CTTN: variants seen among roughly 807,000 people sequenced by gnomAD.
The protein encoded by CTTN is src substrate cortactin.
In CTTN, 28 loss-of-function variants were observed where a neutral mutation model predicts 84.0. The ratio of observed to expected loss-of-function variants is 0.33; its 90% CI spans 0.25 to 0.46. The LOEUF (loss-of-function observed/expected upper bound fraction) is 0.46, where lower values mean the gene tolerates loss of function less well. Ranked by LOEUF, CTTN falls within the 20% of genes least tolerant of loss-of-function variation. The pLI, the probability that CTTN is intolerant of heterozygous loss-of-function variation, is 1.00. For synonymous variants in CTTN, 301 were observed against 288.8 expected (o/e 1.04, Z -0.43); for missense variants, 641 against 723.8 (o/e 0.89, Z 1.31).
chr11:70,422,451 C>A, intron 11 of CTTN: 2 of 1,212,256 alleles, frequency 1.6e-6, no homozygotes, highest in Non-Finnish European at 2.2e-6. Context: ...TGTGTTGCTG[C>A]AACGGAAGTC....
Position 70,433,293 on chromosome 11 carries a change from C to T in CTTN, c.1444+15C>T, listed in dbSNP as rs374909287. The T allele has an allele frequency of 1.2e-5, 19 of 1,595,742 alleles. No individual in the cohort carries two copies. Among genetic ancestry groups the T allele is most frequent in the South Asian group, 4.4e-5 (4 of 90,158 alleles). On this transcript the variant is annotated intron_variant, in intron 16 of 17. Coordinates refer to ENST00000301843, the MANE Select transcript of CTTN (RefSeq NM_005231.4). ...CTATCCCGCAGGTACTGGGGCCCCA[C>T]GCTGCAGCGCCCTGCCCAGGGCAGG...
At chr11:70,434,754 T>C (rs921254353) in intron 17 of CTTN, among the ~76,000 whole-genome samples, 2 of 152,206 alleles carry the variant, frequency 1.3e-5, no homozygotes, top group Non-Finnish European at 2.9e-5. Context: ...GCTGGAGTTA[T>C]GTGGTGGAAA....
rs370623790 is a variant in CTTN, at chr11:70,435,253, G to GTTTTTTTTTTT, written c.*106_*116dup. 811 of 937,590 alleles carry GTTTTTTTTTTT rather than the reference G, an allele frequency of 8.6e-4. No homozygotes were observed. The highest frequency in any genetic ancestry group is 2.9e-3 in the South Asian group (108 of 37,266). The allele number at this position is 937,590 out of a possible 1,614,324, so 58.1% of individuals were successfully genotyped here. A position where few individuals can be genotyped will look rare whatever the true frequency, so the allele number is the denominator to read the frequency against. ...TCTTGGGTGGTTTTGGGTTTTTTCT[G>GTTTTTTTTTTT]TTTTTTTTTTTTTTTTTTTTTTTTT... On this transcript the variant is annotated 3_prime_UTR_variant, in exon 18 of 18. Coordinates refer to ENST00000301843, the MANE Select transcript of CTTN (RefSeq NM_005231.4).
At chr11:70,413,489 G>A (rs1020009874) in intron 5 of CTTN, among the ~76,000 whole-genome samples, 4 of 152,236 alleles carry the variant, frequency 2.6e-5, no homozygotes, top group Non-Finnish European at 5.9e-5. Flanking sequence ...CTGCCGAACG[G>A]AGTTGCTGAA....
intron 1 of CTTN, among the ~76,000 whole-genome samples, chr11:70,399,552 T>C (rs547157406): frequency 1.3e-5 from 2 of 152,046 alleles, no homozygotes; most frequent in Non-Finnish European, 2.9e-5. Context: ...CGTGAGGCTC[T>C]AAATTTGGAA....
In CTTN at chr11:70,405,364, A is replaced by G. The variant is rs2058030385; in HGVS notation, c.-1+3A>G. The G allele has an allele frequency of 1.3e-5, 2 of 152,214 alleles. No individual in the cohort carries two copies. 9.4% of individuals were successfully genotyped at this position (152,214 alleles called of 1,614,324 possible). A position where few individuals can be genotyped will look rare whatever the true frequency, so the allele number is the denominator to read the frequency against. On this transcript the variant is annotated splice_donor_region_variant and intron_variant, in intron 2 of 17. Coordinates refer to ENST00000301843, the MANE Select transcript of CTTN (RefSeq NM_005231.4). ...TTTATCTCCAAGCGGAAAGAAAGGTACTTGTGCATTGTGAACATCCTAACA... is the reference window on the plus strand; with the variant it reads ...TTTATCTCCAAGCGGAAAGAAAGGTGCTTGTGCATTGTGAACATCCTAACA...
At chr11:70,420,976 T>G (rs1240804014) in intron 10 of CTTN, among the ~76,000 whole-genome samples, 13 of 152,350 alleles carry the variant, frequency 8.5e-5, no homozygotes, top group Non-Finnish European at 7.3e-5. Flanking sequence ...ATACTTACTT[T>G]TGAACCGAAA....
intron 10 of CTTN, 76 bp downstream of exon 10, chr11:70,420,586 T>G (rs2058221538): frequency 9.4e-7 from 1 of 1,068,080 alleles, no homozygotes; most frequent in African/African-American, 1.5e-5. Context: ...TTGGTATGTG[T>G]TGTGTCTGCG....
At position 70,429,167 on chromosome 11, in the gene CTTN, C is replaced by A. The variant is rs1231730977; in HGVS notation, c.1144C>A (p.Gln382Lys). ...ERAQRMAKER[Q>K]EQEEARRKLE... ...AGCCCAGCGGATGGCCAAGGAGCGG[C>A]AGGAGCAGGAAGAGGCCAGGAGGAA... The change falls in exon 14 of 18, where the codon CAG becomes AAG. Residue 382 changes from glutamine (Q) to lysine (K), a missense_variant. Around this residue, in one of 3 missense-constraint regions of CTTN, gnomAD observed 289 missense variants for 273.1 expected, o/e 1.06. Transcript: ENST00000301843. 6.2e-7 allele frequency: 1 copy of A among 1,613,582 alleles called. No individual in the cohort carries two copies. Among genetic ancestry groups the A allele is most frequent in the Admixed American group, 1.7e-5 (1 of 60,026 alleles).
intron 11 of CTTN, 58 bp downstream of exon 11, chr11:70,421,638 G>A: frequency 8.2e-7 from 1 of 1,221,352 alleles, no homozygotes; most frequent in Non-Finnish European, 1.2e-6. Context: ...GCCACTTCTA[G>A]CACAGACTTC....
chr11:70,414,752 C>T, intron 6 of CTTN, 100 bp downstream of exon 6: 1 of 819,926 alleles, frequency 1.2e-6, no homozygotes, highest in African/African-American at 1.7e-5. Context: ...AGGCAGGTGC[C>T]CTCCAGCTCT....
At chr11:70,411,235 T>C (rs899748908) in intron 5 of CTTN, among the ~76,000 whole-genome samples, 2 of 136,072 alleles carry the variant, frequency 1.5e-5, no homozygotes, top group African/African-American at 5.5e-5. Flanking sequence ...GAGCGAAGCG[T>C]GTGCACACGG....
chr11:70,419,441 G>T (rs1010086462), intron 8 of CTTN, among the ~76,000 whole-genome samples: 2 of 151,886 alleles, frequency 1.3e-5, no homozygotes, highest in African/African-American at 4.8e-5. Context: ...ATTAGCTAAT[G>T]ATTTAACTTA....
intron 5 of CTTN, chr11:70,410,453 G>A (rs754075365): frequency 2.5e-5 from 4 of 161,082 alleles, no homozygotes; most frequent in Non-Finnish European, 2.8e-5. Context: ...AATTCGGCGC[G>A]TACCAGGCTG....
intron 5 of CTTN, among the ~76,000 whole-genome samples, chr11:70,410,990 G>T (rs1434729643): frequency 6.6e-6 from 1 of 152,166 alleles, no homozygotes; most frequent in Non-Finnish European, 1.5e-5. Context: ...AAATAGCCTG[G>T]GGGAGGAGTG....
At chr11:70,420,367 A>G (rs758148000) in intron 9 of CTTN, 33 bp from the exon 10 acceptor site, 48 of 1,443,002 alleles carry the variant, frequency 3.3e-5, no homozygotes, top group Non-Finnish European at 4.4e-5. Context: ...CTACCTGTTA[A>G]TGATGGGTTC....
intron 13 of CTTN, among the ~76,000 whole-genome samples, chr11:70,425,941 T>A (rs2058295496): frequency 6.6e-6 from 1 of 152,090 alleles, no homozygotes; most frequent in Non-Finnish European, 1.5e-5. Context: ...TATACATACA[T>A]GAGAGCAAGT....
chr11:70,433,774 T>G (rs895168266), intron 17 of CTTN, 56 bp downstream of exon 17: 107 of 1,105,992 alleles, frequency 9.7e-5, no homozygotes, highest in Non-Finnish European at 1.3e-5. Context: ...CGCCTGCCTC[T>G]GCTTGTTTTC....
chr11:70,429,334 A>AAAGGAG, intron 14 of CTTN, 135 bp downstream of exon 14: 1 of 960,096 alleles, frequency 1.0e-6, no homozygotes, highest in Non-Finnish European at 1.6e-6. Flanking sequence ...ACTCTCCTTT[A>AAAGGAG]AGGCTCTCCA....
Sources: gnomAD v4.1 joint callset for allele counts (sites outside exome capture counted in the v4.1 genomes callset) on GRCh38, gnomAD v4.1.1 for gene constraint, gnomAD v4.1.1 regional missense constraint, MANE v1.5 for transcripts, NCBI Gene and HGNC (gene_info 2026-07-23, HGNC 2026-07-21) for gene names.